Variants in ASB4 observed in about 807,000 individuals in gnomAD.
The protein encoded by ASB4 is ankyrin repeat and SOCS box protein 4.
A neutral mutation model predicts 38.6 loss-of-function variants in ASB4; 35 were observed. The observed-to-expected ratio is 0.91, with a 90% CI of 0.69 to 1.20. ASB4 has a LOEUF of 1.20. Ranked by LOEUF, ASB4 falls within the 50% of genes most tolerant of loss-of-function variation. ASB4 has a pLI of 0.00. For missense variants in ASB4, 557 were observed against 527.2 expected (o/e 1.06, Z -0.55); for synonymous variants, 195 against 201.3 (o/e 0.97, Z 0.26).
Position 95,537,806 on chromosome 7 carries a change from G to A in ASB4, c.*47G>A. The A allele has an allele frequency of 3.3e-6, 5 of 1,535,444 alleles. No individual in the cohort carries two copies. Among genetic ancestry groups the A allele is most frequent in the Non-Finnish European group, 4.5e-6 (5 of 1,122,558 alleles). On this transcript the variant is annotated 3_prime_UTR_variant, in exon 5 of 5. Transcript: ENST00000325885. ...CAATCCTAGGTATTTAAGTGGACTT[G>A]CTGGGTAGACACAGTTTGCCTAAAT...
At chr7:95,515,207 TTCTTTCTTTCTTTCTTTCTTTCTTTTTC>T (rs1459695318) in intron 2 of ASB4, among the ~76,000 whole-genome samples, 22 of 132,596 alleles carry the variant, frequency 1.7e-4, no homozygotes, top group Admixed American at 2.2e-4. Context: ...CTTTCTTTCT[TTCTTTCTTTCTTTCTTTCTTTCTTTTTC>T]TTTCTTTCTT....
chr7:95,472,526 G>T, the ASB4 span, among the ~76,000 whole-genome samples: 3 of 152,276 alleles, frequency 2.0e-5, no homozygotes, highest in South Asian at 6.2e-4. Flanking sequence ...GAACTGCAGT[G>T]CTATAAATCT....
At chr7:95,543,042 G>A (rs967365957), downstream of ASB4, 2 of 152,232 alleles carry the variant, frequency 1.3e-5, no homozygotes, top group Non-Finnish European at 2.9e-5. Flanking sequence ...CAGGAGCCAA[G>A]ACACACCTGC....
intron 2 of ASB4, among the ~76,000 whole-genome samples, chr7:95,520,946 C>A (rs935229653): frequency 2.0e-5 from 3 of 151,994 alleles, no homozygotes; most frequent in Admixed American, 6.6e-5. Context: ...AAGAAAATTT[C>A]TTTCTCATTC....
At position 95,537,851 on chromosome 7, in the gene ASB4, T is replaced by G. The variant is rs1790917897; in HGVS notation, c.*92T>G. The G allele has an allele frequency of 1.9e-6, 2 of 1,043,866 alleles. No homozygotes were observed. Among genetic ancestry groups the G allele is most frequent in the African/African-American group, 3.2e-5 (2 of 62,528 alleles). The allele number at this position is 1,043,866 out of a possible 1,614,324, so 64.7% of individuals were successfully genotyped here. A position where few individuals can be genotyped will look rare whatever the true frequency, so the allele number is the denominator to read the frequency against. On this transcript the variant is annotated 3_prime_UTR_variant, in exon 5 of 5. Transcript: ENST00000325885. ...CTAAATAAAATGGTACTTGGGTTGA[T>G]TATAACACTTCAGGGATTTCAAAAC...
At chr7:95,486,837 A>AT (rs77498638) in intron 1 of ASB4, among the ~76,000 whole-genome samples, 12 of 151,652 alleles carry the variant, frequency 7.9e-5, no homozygotes, top group East Asian at 1.9e-4. Flanking sequence ...AATTAGACCA[A>AT]TTTTTTTTTA....
At chr7:95,489,976 T>C (rs570525272) in intron 1 of ASB4, among the ~76,000 whole-genome samples, 48 of 152,350 alleles carry the variant, frequency 3.2e-4, no homozygotes, top group African/African-American at 1.2e-3. Flanking sequence ...CTTTTGCTCA[T>C]AAATGATACA....
chr7:95,517,446 T>G (rs11973603), intron 2 of ASB4, among the ~76,000 whole-genome samples: 22,096 of 152,058 alleles, frequency 0.15, 1,720 homozygotes, highest in South Asian at 0.19. Context: ...AGTTTTGATT[T>G]CTCCAGGAAG....
intron 2 of ASB4, among the ~76,000 whole-genome samples, chr7:95,519,375 C>A (rs968170526): frequency 3.9e-5 from 6 of 152,140 alleles, no homozygotes; most frequent in African/African-American, 1.4e-4. Context: ...CTAAATAATT[C>A]GTGCTGTGAG....
chr7:95,481,146 A>G (rs1378268008), upstream of ASB4, among the ~76,000 whole-genome samples: 1 of 152,154 alleles, frequency 6.6e-6, no homozygotes, highest in Non-Finnish European at 1.5e-5. Context: ...TTAAAATTTT[A>G]CCACAAATAA....
At chr7:95,483,252 T>G (rs10241004), upstream of ASB4, among the ~76,000 whole-genome samples, 62,186 of 152,050 alleles carry the variant, frequency 0.41, 13,178 homozygotes, top group East Asian at 0.74. Flanking sequence ...GCACTCTTAC[T>G]GCTGACTGCT....
upstream of ASB4, among the ~76,000 whole-genome samples, chr7:95,483,944 T>C (rs933914726): frequency 6.6e-6 from 1 of 151,954 alleles, no homozygotes; most frequent in Non-Finnish European, 1.5e-5. Context: ...TTTCCATATA[T>C]GGCTCTTTTT....
At chr7:95,541,994 G>A (rs558151207), downstream of ASB4, among the ~76,000 whole-genome samples, 11 of 152,030 alleles carry the variant, frequency 7.2e-5, no homozygotes, top group African/African-American at 2.4e-4. Context: ...TTGAGCCCAC[G>A]AGTTCAAGTT....
chr7:95,473,447 A>G (rs187249642), upstream of ASB4, among the ~76,000 whole-genome samples: 1 of 152,306 alleles, frequency 6.6e-6, no homozygotes, highest in African/African-American at 2.4e-5. Context: ...AGGTTTATCC[A>G]GGACAATAAC....
chr7:95,481,421 CAG>C (rs1790020642), upstream of ASB4, among the ~76,000 whole-genome samples: 2 of 151,992 alleles, frequency 1.3e-5, no homozygotes, highest in Non-Finnish European at 2.9e-5. Context: ...AGAAGTATAA[CAG>C]ATGAGAAGAA....
chr7:95,474,063 G>A (rs1400282237), upstream of ASB4: 1 of 152,168 alleles, frequency 6.6e-6, no homozygotes, highest in Non-Finnish European at 1.5e-5. Context: ...ATTTTTATGT[G>A]TGGTATTTGC....
intron 2 of ASB4, among the ~76,000 whole-genome samples, chr7:95,510,437 AAAC>A (rs1222741521): frequency 1.3e-5 from 2 of 152,252 alleles, no homozygotes; most frequent in Non-Finnish European, 2.9e-5. Flanking sequence ...CTTTAATTAA[AAAC>A]AACACTTTGA....
chr7:95,485,612 T>C (rs1790077607), upstream of ASB4, among the ~76,000 whole-genome samples: 1 of 152,188 alleles, frequency 6.6e-6, no homozygotes, highest in South Asian at 2.1e-4. Context: ...CCAGATGTTT[T>C]TATTGAGGGG....
At chr7:95,514,585 A>G (rs1197801285) in intron 2 of ASB4, among the ~76,000 whole-genome samples, 2 of 152,196 alleles carry the variant, frequency 1.3e-5, no homozygotes, top group Non-Finnish European at 2.9e-5. Context: ...CCCTCCCTTT[A>G]AATTCATCAT....
Sources: gnomAD v4.1 joint callset for allele counts (sites outside exome capture counted in the v4.1 genomes callset) on GRCh38, gnomAD v4.1.1 for gene constraint, MANE v1.5 for transcripts, NCBI Gene and HGNC (gene_info 2026-07-23, HGNC 2026-07-21) for gene names.